The following RORA variants were observed in gnomAD, a reference collection of about 807,000 sequenced individuals.
RORA encodes the protein RAR related orphan receptor A, also known as nuclear receptor ROR-alpha.
Under a neutral mutation model 69.5 loss-of-function variants are expected in RORA, and 7 were observed. The ratio of observed to expected loss-of-function variants is 0.10; its 90% CI spans 0.06 to 0.19. The LOEUF is 0.19. Among genes scored for constraint, RORA ranks in the 10% least tolerant of loss-of-function variants. The pLI is 1.00. For synonymous variants in RORA, 261 were observed against 240.8 expected, an observed-to-expected ratio of 1.08 and a Z score of -0.78; for missense variants, 457 against 663.0, an observed-to-expected ratio of 0.69 and a Z score of 3.41.
At chr15:61,000,828 T>G in intron 1 of RORA, among the ~76,000 whole-genome samples, 1 of 152,070 alleles carries the variant, frequency 6.6e-6, no homozygotes, top group South Asian at 2.1e-4. Flanking sequence ...GCCAGGGAAT[T>G]AGAGGACCTG....
chr15:61,060,727 AC>A (rs2078171951), intron 1 of RORA, among the ~76,000 whole-genome samples: 1 of 152,188 alleles, frequency 6.6e-6, no homozygotes, highest in African/African-American at 2.4e-5. Flanking sequence ...CTGGAATCTT[AC>A]ATCAAGACAA....
chr15:60,600,985 G>A (rs770500273), intron 2 of RORA: 4 of 152,200 alleles, frequency 2.6e-5, no homozygotes, highest in Middle Eastern at 6.8e-3. Flanking sequence ...GGAAACTGGG[G>A]CACAGAGAAA....
chr15:60,964,514 G>A (rs1262551151), intron 1 of RORA, among the ~76,000 whole-genome samples: 1 of 152,172 alleles, frequency 6.6e-6, no homozygotes. Flanking sequence ...ATTTCATTCT[G>A]CTCCTTTCCT....
chr15:61,012,236 CAT>C (rs778066297), intron 1 of RORA, among the ~76,000 whole-genome samples: 3 of 152,212 alleles, frequency 2.0e-5, no homozygotes, highest in Non-Finnish European at 2.9e-5. Flanking sequence ...GCATGTAAAA[CAT>C]GTGCTAGAAG....
chr15:60,767,518 T>C (rs867744151), intron 1 of RORA, among the ~76,000 whole-genome samples: 2 of 152,318 alleles, frequency 1.3e-5, no homozygotes, highest in Middle Eastern at 3.4e-3. Context: ...ACTAGAGCTA[T>C]TAGCTTTGAA....
chr15:60,861,151 C>T lies in RORA; in HGVS notation c.167-182465G>A, dbSNP rs137987280. 9.5e-3 allele frequency among the ~76,000 whole-genome samples: 1,444 copies of T among 152,244 alleles called. 8 individuals carry two copies. Among genetic ancestry groups the T allele is most frequent in the Middle Eastern group, 0.024 (7 of 294 alleles). On this transcript the variant is annotated intron_variant, in intron 1 of 10. Transcript: ENST00000335670. ...AAGAAACCATTCATGATGATATATC[C>T]TTATTGGAATTGACAATGCATGAGG...
At position 61,040,163 on chromosome 15, in the gene RORA, TAA is replaced by T. The variant is rs1381690492; in HGVS notation, c.166+188888_166+188889del. On this transcript the variant is annotated intron_variant, in intron 1 of 10. Coordinates refer to ENST00000335670, the MANE Select transcript of RORA (RefSeq NM_134261.3). ...ATATATATATATATATATATATATA[TAA>T]AATATATGAAATATACATTATAGTG... 6.6e-4 allele frequency among the ~76,000 whole-genome samples: 72 copies of T among 108,964 alleles called. 1 individual carries two copies. Among genetic ancestry groups the T allele is most frequent in the Non-Finnish European group, 1.2e-3 (64 of 53,404 alleles). 71.5% of individuals were successfully genotyped at this position (108,964 alleles called of 152,430 possible).
At chr15:60,523,702 G>A (rs1595908931) in intron 3 of RORA, among the ~76,000 whole-genome samples, 1 of 152,248 alleles carries the variant, frequency 6.6e-6, no homozygotes, top group Middle Eastern at 3.4e-3. Context: ...TAGAGATACG[G>A]TCTCTGTCAC....
rs187118890 is a variant in RORA at position 60,563,814 on chromosome 15, T to C, written c.197-31963A>G. Among the ~76,000 whole-genome samples, 309 of 152,250 alleles carry C rather than the reference T, an allele frequency of 2.0e-3. 1 individual carries two copies. The highest frequency in any genetic ancestry group is 8.2e-3 in the Admixed American group (126 of 15,296). On this transcript the variant is annotated intron_variant, in intron 2 of 10. Coordinates refer to ENST00000335670, the MANE Select transcript of RORA (RefSeq NM_134261.3). ...CACTGTGGTTCATTCTTGGTGGTCA[T>C]TGGAAGTTTGCTCCATTACAGCAAG... is the stretch of plus-strand genomic sequence containing the variant.
At position 61,186,372 on chromosome 15, in the gene RORA, G is replaced by C. The variant is rs555653142; in HGVS notation, c.166+42681C>G. Among the ~76,000 whole-genome samples the C allele has an allele frequency of 9.2e-5, 14 of 152,218 alleles. No individual in the cohort carries two copies. In the South Asian group the frequency reaches 2.7e-3, roughly 29 times the overall value. ...TCCAGATGCCCTGGCCAGGCACGGT[G>C]GCTCATGCCTGTAATCCCAGCACTT... On this transcript the variant is annotated intron_variant, in intron 1 of 10. Transcript: ENST00000335670.
intron 1 of RORA, among the ~76,000 whole-genome samples, chr15:60,927,774 A>C (rs1892259332): frequency 6.6e-6 from 1 of 152,176 alleles, no homozygotes; most frequent in South Asian, 2.1e-4. Context: ...ACTCTGTCTC[A>C]AAACAAACAA....
At chr15:60,962,971 G>A (rs1251823896) in intron 1 of RORA, among the ~76,000 whole-genome samples, 2 of 152,208 alleles carry the variant, frequency 1.3e-5, no homozygotes, top group African/African-American at 4.8e-5. Context: ...TAAAAGGTAG[G>A]AAGAGAGTAT....
intron 1 of RORA, among the ~76,000 whole-genome samples, chr15:61,120,375 G>C (rs943161007): frequency 6.6e-6 from 1 of 151,380 alleles, no homozygotes; most frequent in Non-Finnish European, 1.5e-5. Flanking sequence ...AAGCAGAGCT[G>C]AAGACCATTG....
intron 1 of RORA, among the ~76,000 whole-genome samples, chr15:60,902,024 G>T (rs1338916029): frequency 2.6e-5 from 4 of 152,140 alleles, no homozygotes; most frequent in Non-Finnish European, 5.9e-5. Flanking sequence ...GAACCCGGAG[G>T]CTAATTAACC....
chr15:60,878,916 A>G (rs571343008), intron 1 of RORA, among the ~76,000 whole-genome samples: 1 of 152,336 alleles, frequency 6.6e-6, no homozygotes, highest in Admixed American at 6.5e-5. Context: ...CTTGGATTCC[A>G]GACCTCCAGA....
intron 1 of RORA, among the ~76,000 whole-genome samples, chr15:60,747,023 A>G (rs2071658424): frequency 6.6e-6 from 1 of 152,194 alleles, no homozygotes; most frequent in Non-Finnish European, 1.5e-5. Context: ...TTGTGTTCAC[A>G]GTCTTCTGCC....
intron 1 of RORA, among the ~76,000 whole-genome samples, chr15:61,015,043 C>T (rs912345468): frequency 1.4e-4 from 21 of 152,242 alleles, no homozygotes; most frequent in African/African-American, 3.9e-4. Flanking sequence ...TCCTATAGCC[C>T]GAAGCTCGTT....
chr15:60,675,572 T>G lies in RORA; in HGVS notation c.196+3085A>C, dbSNP rs187482072. Among the ~76,000 whole-genome samples, 281 of 152,258 alleles carry G rather than the reference T, an allele frequency of 1.8e-3. 1 individual carries two copies. The highest frequency in any genetic ancestry group is 0.016 in the East Asian group (82 of 5,186). ...GGCCAACTAAACAGAAAACAAACAC[T>G]TAAGGTACCCTTCTCAGAAGCTTAG... On this transcript the variant is annotated intron_variant, in intron 2 of 10. Transcript: ENST00000335670.
At chr15:60,584,296 T>C (rs1178271130) in intron 2 of RORA, among the ~76,000 whole-genome samples, 3 of 152,248 alleles carry the variant, frequency 2.0e-5, no homozygotes, top group Non-Finnish European at 2.9e-5. Flanking sequence ...AGAACCACTG[T>C]TTCAGGCAGG....
Sources: gnomAD v4.1 joint callset for allele counts (sites outside exome capture counted in the v4.1 genomes callset) on GRCh38, gnomAD v4.1.1 for gene constraint, MANE v1.5 for transcripts, NCBI Gene and HGNC (gene_info 2026-07-23, HGNC 2026-07-21) for gene names.